Variants in SPOCK3 observed in about 807,000 individuals in gnomAD.
SPOCK3 encodes the protein testican-3.
SPOCK3 carries 30 observed loss-of-function variants against 56.6 expected under a neutral mutation model. That is an observed-to-expected ratio of 0.53 (90% CI 0.40 to 0.72). The LOEUF (loss-of-function observed/expected upper bound fraction) is 0.72, where lower values mean the gene tolerates loss of function less well. Ranked by LOEUF, SPOCK3 falls within the 30% of genes least tolerant of loss-of-function variation. The probability of loss-of-function intolerance (pLI) is 0.00; values close to 1 mark genes in which losing one functional copy is unlikely to be tolerated. For synonymous variants in SPOCK3, 196 were observed against 183.3 expected (o/e 1.07, Z -0.56); for missense variants, 527 against 530.0 (o/e 0.99, Z 0.06).
chr4:167,053,424 C>G (rs1754423741), intron 3 of SPOCK3, among the ~76,000 whole-genome samples: 1 of 152,106 alleles, frequency 6.6e-6, no homozygotes, highest in Admixed American at 6.6e-5. Context: ...CTGTGGCTCA[C>G]ACAAGTAATC....
At chr4:166,910,063 A>C (rs1457065776) in intron 5 of SPOCK3, among the ~76,000 whole-genome samples, 1 of 152,118 alleles carries the variant, frequency 6.6e-6, no homozygotes, top group Non-Finnish European at 1.5e-5. Flanking sequence ...TTAAAAAAAG[A>C]TTAGTAAGGA....
chr4:166,986,121 G>A (rs533839924), intron 4 of SPOCK3, among the ~76,000 whole-genome samples: 130 of 152,252 alleles, frequency 8.5e-4, no homozygotes, highest in Non-Finnish European at 1.5e-3. Context: ...ATGCTGGAAA[G>A]CAAAACATCT....
chr4:167,110,287 CCTCAGGTTATGGCCTCTTTTTCTCTATTT>C (rs1275389411), intron 2 of SPOCK3, among the ~76,000 whole-genome samples: 1 of 151,994 alleles, frequency 6.6e-6, no homozygotes, highest in Non-Finnish European at 1.5e-5. Flanking sequence ...TCCCATCTTT[CCTCAGGTTATGGCCTCTTTTTCTCTATTT>C]CTCAGAGGAA....
intron 4 of SPOCK3, among the ~76,000 whole-genome samples, chr4:166,947,946 T>G (rs1273403107): frequency 1.3e-5 from 2 of 152,174 alleles, no homozygotes; most frequent in Non-Finnish European, 2.9e-5. Context: ...CTACTGGGTA[T>G]TACAACACCA....
At chr4:167,031,409 T>C (rs1752261252) in intron 3 of SPOCK3, among the ~76,000 whole-genome samples, 1 of 152,008 alleles carries the variant, frequency 6.6e-6, no homozygotes, top group South Asian at 2.1e-4. Context: ...ACTAAAATAC[T>C]TTATTCCCTA....
intron 2 of SPOCK3, among the ~76,000 whole-genome samples, chr4:167,091,391 C>A (rs1288002963): frequency 6.6e-6 from 1 of 152,098 alleles, no homozygotes; most frequent in East Asian, 1.9e-4. Context: ...TACGACACTA[C>A]AAATTATTAA....
At chr4:167,183,985 G>A (rs981158369) in intron 2 of SPOCK3, among the ~76,000 whole-genome samples, 1 of 152,144 alleles carries the variant, frequency 6.6e-6, no homozygotes, top group Non-Finnish European at 1.5e-5. Context: ...AAGCCCAAAT[G>A]GTTCATGAGT....
At chr4:167,144,540 T>C (rs1451326792) in intron 2 of SPOCK3, among the ~76,000 whole-genome samples, 1 of 151,844 alleles carries the variant, frequency 6.6e-6, no homozygotes, top group Non-Finnish European at 1.5e-5. Context: ...AAGCACTCCA[T>C]AAAATATAAA....
intron 4 of SPOCK3, among the ~76,000 whole-genome samples, chr4:166,953,083 T>A (rs1264889283): frequency 6.6e-6 from 1 of 151,406 alleles, no homozygotes; most frequent in Non-Finnish European, 1.5e-5. Context: ...AATTGACAAA[T>A]GGGATCTAAT....
chr4:166,812,800 TCA>T (rs907122559), intron 6 of SPOCK3, among the ~76,000 whole-genome samples: 15 of 152,022 alleles, frequency 9.9e-5, no homozygotes, highest in Admixed American at 7.2e-4. Context: ...TTTTCAAAGT[TCA>T]CACATACACA....
In SPOCK3 at chr4:166,985,217, TCC is replaced by T. The variant is rs200268676; in HGVS notation, c.350+15130_350+15131del. Among the ~76,000 whole-genome samples, 1,325 of 152,182 alleles carry T rather than the reference TCC, an allele frequency of 8.7e-3. 18 individuals carry two copies. The highest frequency in any genetic ancestry group is 0.03 in the African/African-American group (1,237 of 41,532). ...TTGTTTGAAACCAGAACCTAAGAAATCCTCCACAATGAAAATTCAACATTGGA... is the reference window on the plus strand; with the variant it reads ...TTGTTTGAAACCAGAACCTAAGAAATTCCACAATGAAAATTCAACATTGGA... On this transcript the variant is annotated intron_variant, in intron 4 of 10. Transcript: ENST00000357545.
At chr4:166,819,462 A>G (rs1560892567) in intron 6 of SPOCK3, among the ~76,000 whole-genome samples, 1 of 152,104 alleles carries the variant, frequency 6.6e-6, no homozygotes, top group Non-Finnish European at 1.5e-5. Flanking sequence ...CATGATCTGT[A>G]TAGAAAGTCC....
At chr4:167,189,734 T>C (rs1178682620) in intron 2 of SPOCK3, among the ~76,000 whole-genome samples, 1 of 145,532 alleles carries the variant, frequency 6.9e-6, no homozygotes, top group Non-Finnish European at 1.5e-5. Context: ...TCCCCAGAAC[T>C]TTTTCATCTC....
chr4:167,116,763 C>T (rs917170764), intron 2 of SPOCK3, among the ~76,000 whole-genome samples: 2 of 134,294 alleles, frequency 1.5e-5, no homozygotes, highest in African/African-American at 2.7e-5. Flanking sequence ...TGTATATATA[C>T]ACACATATAG....
intron 4 of SPOCK3, among the ~76,000 whole-genome samples, chr4:166,950,707 T>G (rs1006078505): frequency 1.3e-4 from 20 of 148,646 alleles, no homozygotes; most frequent in African/African-American, 3.4e-4. Flanking sequence ...TCAGCAAATG[T>G]AAAAGAACAG....
intron 2 of SPOCK3, among the ~76,000 whole-genome samples, chr4:167,206,255 C>T (rs1370237264): frequency 6.6e-6 from 1 of 151,778 alleles, no homozygotes; most frequent in African/African-American, 2.4e-5. Context: ...ACCCGGGAGT[C>T]GGGGGTTGCA....
At chr4:167,134,884 A>T (rs1045188537) in intron 2 of SPOCK3, among the ~76,000 whole-genome samples, 1 of 152,014 alleles carries the variant, frequency 6.6e-6, no homozygotes, top group Non-Finnish European at 1.5e-5. Flanking sequence ...TAATAAAATG[A>T]ACAGTCAATA....
chr4:167,055,348 C>T (rs142986959), intron 3 of SPOCK3, among the ~76,000 whole-genome samples: 1,953 of 152,238 alleles, frequency 0.013, 24 homozygotes, highest in Non-Finnish European at 0.018. Context: ...GGAACAGCTC[C>T]GGTCTACAGC....
chr4:166,771,783 A>G (rs1181439839), intron 7 of SPOCK3, among the ~76,000 whole-genome samples: 2 of 152,080 alleles, frequency 1.3e-5, no homozygotes, highest in African/African-American at 4.8e-5. Flanking sequence ...TTCACACTAT[A>G]TTGACAAAAA....
Sources: gnomAD v4.1 joint callset for allele counts (sites outside exome capture counted in the v4.1 genomes callset) on GRCh38, gnomAD v4.1.1 for gene constraint, MANE v1.5 for transcripts, NCBI Gene and HGNC (gene_info 2026-07-23, HGNC 2026-07-21) for gene names.